The following NCOA5 variants were observed in gnomAD, a reference collection of about 807,000 sequenced individuals.
The protein encoded by NCOA5 is NCoA-5.
NCOA5 carries 12 observed loss-of-function variants against 59.0 expected under a neutral mutation model. The observed-to-expected ratio is 0.20, with a 90% CI of 0.13 to 0.33. The LOEUF is 0.33. Ranked by LOEUF, NCOA5 falls within the 10% of genes least tolerant of loss-of-function variation. NCOA5 has a pLI of 1.00. For missense variants in NCOA5, 655 were observed against 766.6 expected (o/e 0.85, Z 1.72); for synonymous variants, 270 against 275.5 (o/e 0.98, Z 0.20).
intron 1 of NCOA5, among the ~76,000 whole-genome samples, chr20:46,088,138 T>C (rs1368069422): frequency 6.6e-6 from 1 of 152,206 alleles, no homozygotes; most frequent in Non-Finnish European, 1.5e-5. Flanking sequence ...AACACACTAT[T>C]AACTTACAAG....
rs144112486 is a variant in NCOA5 at position 46,077,316 on chromosome 20, A to G, written c.38+2071T>C. Among the ~76,000 whole-genome samples, 22 of 152,276 alleles carry G rather than the reference A, an allele frequency of 1.4e-4. 1 individual carries two copies. The East Asian group carries it at 3.5e-3, about 24-fold the overall frequency. On this transcript the variant is annotated intron_variant, in intron 2 of 7. Coordinates refer to ENST00000290231, the MANE Select transcript of NCOA5 (RefSeq NM_020967.3). The stretch of plus-strand genomic sequence containing the variant: ...ACTATTTCTAGATTGGGGTAAATTA[A>G]TATTTTTAATTTAATGCTCTGGCAA...
At position 46,067,303 on chromosome 20, in the gene NCOA5, G is replaced by A. The variant is rs939470923; in HGVS notation, c.503-122C>T. On this transcript the variant is annotated intron_variant, in intron 4 of 7. Transcript: ENST00000290231. ...TCCTCTGGTCTATCTCCTAAAAACA[G>A]CCAGTATTAATATTTTTTACTATTA... The A allele has an allele frequency of 4.3e-5, 49 of 1,151,950 alleles. No individual in the cohort carries two copies. The Middle Eastern group carries it at 1.0e-3, about 24-fold the overall frequency. 71.4% of individuals were successfully genotyped at this position (1,151,950 alleles called of 1,614,324 possible). A position where few individuals can be genotyped will look rare whatever the true frequency, so the allele number is the denominator to read the frequency against.
Position 46,081,695 on chromosome 20 carries a change from G to A in NCOA5, c.-29-2242C>T, listed in dbSNP as rs774867933. 3.3e-5 allele frequency among the ~76,000 whole-genome samples: 5 copies of A among 151,732 alleles called. No individual in the cohort carries two copies. The East Asian group carries it at 9.7e-4, about 29-fold the overall frequency. On this transcript the variant is annotated intron_variant, in intron 1 of 7. Transcript: ENST00000290231. ...GTAAACTTTTAGTGTAGTATGTCAA[G>A]TATCTGTTTATTCATCTCTATTTAA... is the stretch of plus-strand genomic sequence containing the variant.
rs375923998 is a variant in NCOA5 at position 46,068,785 on chromosome 20, G to C, written c.366-147C>G. On this transcript the variant is annotated intron_variant, in intron 3 of 7. Coordinates refer to ENST00000290231, the MANE Select transcript of NCOA5 (RefSeq NM_020967.3). The stretch of plus-strand genomic sequence containing the variant: ...TCTGTGGCTGTGATAGAGTTAACCT[G>C]TCTCACTGAGATGATGTACAGAAAG... 8.6e-5 allele frequency: 59 copies of C among 684,614 alleles called. No homozygotes were observed. In the South Asian group the frequency reaches 1.4e-3, roughly 16 times the overall value. The allele number at this position is 684,614 out of a possible 1,614,324, so 42.4% of individuals were successfully genotyped here.
At chr20:46,068,212 G>C (rs1293762037) in intron 4 of NCOA5, among the ~76,000 whole-genome samples, 1 of 152,194 alleles carries the variant, frequency 6.6e-6, no homozygotes, top group East Asian at 1.9e-4. Flanking sequence ...AGGATTACAG[G>C]TGGTGGCCAC....
chr20:46,064,719 G>A (rs138773018), intron 6 of NCOA5, among the ~76,000 whole-genome samples: 1 of 152,120 alleles, frequency 6.6e-6, no homozygotes, highest in Non-Finnish European at 1.5e-5. Flanking sequence ...AAACATGGTG[G>A]GAGTATTTAC....
intron 2 of NCOA5, among the ~76,000 whole-genome samples, chr20:46,071,546 T>G (rs753085698): frequency 5.9e-5 from 9 of 152,234 alleles, no homozygotes; most frequent in Admixed American, 3.9e-4. Context: ...TTGCTTTCAA[T>G]TCATTCAACA....
In NCOA5 at chr20:46,061,259, C is replaced by T. The variant is rs188650351; in HGVS notation, c.*1041G>A. The T allele has an allele frequency of 1.3e-5, 2 of 152,736 alleles. No homozygotes were observed. The highest frequency in any genetic ancestry group is 3.9e-4 in the East Asian group (2 of 5,180). 9.5% of individuals were successfully genotyped at this position (152,736 alleles called of 1,614,324 possible). A position where few individuals can be genotyped will look rare whatever the true frequency, so the allele number is the denominator to read the frequency against. ...CAAACCCTGGGGAGAGGGCAGCTTC[C>T]TGGGGCTCCATTTAGAACCACAGCC... On this transcript the variant is annotated 3_prime_UTR_variant, in exon 8 of 8. Transcript: ENST00000290231.
At chr20:46,066,912 C>G in intron 5 of NCOA5, 143 bp downstream of exon 5, 2 of 962,148 alleles carry the variant, frequency 2.1e-6, no homozygotes, top group Non-Finnish European at 1.5e-6. Flanking sequence ...TTTTCTGTCA[C>G]CTATAACTGA....
intron 1 of NCOA5, among the ~76,000 whole-genome samples, chr20:46,080,593 G>C (rs2084982422): frequency 6.6e-6 from 1 of 152,050 alleles, no homozygotes; most frequent in Non-Finnish European, 1.5e-5. Flanking sequence ...TTAGAGGTCT[G>C]GTAGAGATTT....
At chr20:46,085,858 A>T (rs1391920542) in intron 1 of NCOA5, among the ~76,000 whole-genome samples, 1 of 152,236 alleles carries the variant, frequency 6.6e-6, no homozygotes, top group Non-Finnish European at 1.5e-5. Flanking sequence ...AACTTTATGT[A>T]TATTATCCCC....
rs1600619211 is a variant in NCOA5 at position 46,067,243 on chromosome 20, T to A, written c.503-62A>T. The A allele has an allele frequency of 2.6e-6, 4 of 1,566,182 alleles. No homozygotes were observed. In the East Asian group the frequency reaches 9.0e-5, roughly 35 times the overall value. ...TGGACCCTCATTTTAAATCCTGAGC[T>A]ACTTGTAGGCAAAGGTCATAATACT... On this transcript the variant is annotated intron_variant, in intron 4 of 7. Transcript: ENST00000290231.
intron 6 of NCOA5, among the ~76,000 whole-genome samples, chr20:46,064,791 G>A (rs560512141): frequency 2.0e-5 from 3 of 152,288 alleles, no homozygotes; most frequent in Admixed American, 6.5e-5. Flanking sequence ...GTTGTTACAC[G>A]TGTGCCAGCA....
At position 46,089,895 on chromosome 20, in the gene NCOA5, C is replaced by A. The variant is rs894908164; in HGVS notation, c.-108G>T. The A allele has an allele frequency of 5.3e-5, 8 of 152,350 alleles. No homozygotes were observed. The South Asian group carries it at 1.7e-3, about 32-fold the overall frequency. 9.4% of individuals were successfully genotyped at this position (152,350 alleles called of 1,614,324 possible). On this transcript the variant is annotated 5_prime_UTR_variant, in exon 1 of 8. Transcript: ENST00000290231. ...CCGCCTCCGCGTCGGCCCACCTGCC[C>A]GCCGTAGGACAAAGGCGCCACCAAC...
In NCOA5 at chr20:46,071,109, T is replaced by C. The variant is rs532448385; in HGVS notation, c.39-573A>G. Among the ~76,000 whole-genome samples, 88 of 151,522 alleles carry C rather than the reference T, an allele frequency of 5.8e-4. 2 individuals are homozygous for C. The highest frequency in any genetic ancestry group is 1.9e-3 in the African/African-American group (80 of 41,316). ...GTATCTCTCAATCTGAGGGTTTACG[T>C]AGAAGCTGATTCCATTTTGCTCAAG... is the stretch of plus-strand genomic sequence containing the variant. On this transcript the variant is annotated intron_variant, in intron 2 of 7. Coordinates refer to ENST00000290231, the MANE Select transcript of NCOA5 (RefSeq NM_020967.3).
chr20:46,067,816 T>TAA (rs201464584), intron 4 of NCOA5, among the ~76,000 whole-genome samples: 6 of 151,808 alleles, frequency 4.0e-5, no homozygotes, highest in African/African-American at 1.5e-4. Context: ...GTAAAAGTTA[T>TAA]AAAAAAAACC....
At position 46,067,028 on chromosome 20, in the gene NCOA5, T is replaced by C. The variant is rs552080179; in HGVS notation, c.629+27A>G. 10 of 1,610,144 alleles carry C rather than the reference T, an allele frequency of 6.2e-6. No individual in the cohort carries two copies. The South Asian group carries it at 8.9e-5, about 14-fold the overall frequency. ...GAATTTCTCTGACTCTTCTCCTTAC[T>C]GGGGAGAAATATCTAAGGGTTCTTA... On this transcript the variant is annotated intron_variant, in intron 5 of 7. Transcript: ENST00000290231.
intron 1 of NCOA5, among the ~76,000 whole-genome samples, chr20:46,081,614 G>T (rs1303344571): frequency 6.6e-6 from 1 of 152,050 alleles, no homozygotes; most frequent in Non-Finnish European, 1.5e-5. Flanking sequence ...GACAGCATGG[G>T]ATGTTTCTTC....
At chr20:46,081,072 G>A (rs1403477969) in intron 1 of NCOA5, among the ~76,000 whole-genome samples, 1 of 152,096 alleles carries the variant, frequency 6.6e-6, no homozygotes. Flanking sequence ...CTATGATTCA[G>A]AGAGAAATAT....
Sources: allele counts gnomAD v4.1 joint callset (sites outside exome capture counted in the v4.1 genomes callset), GRCh38; gene constraint gnomAD v4.1.1; transcripts MANE v1.5; gene names NCBI Gene and HGNC (gene_info 2026-07-23, HGNC 2026-07-21).